ADAMTS17: variants seen among roughly 807,000 people sequenced by gnomAD.
The protein encoded by ADAMTS17 is ADAM metallopeptidase with thrombospondin type 1 motif 17.
Under a neutral mutation model 141.5 loss-of-function variants are expected in ADAMTS17, and 113 were observed. The observed-to-expected ratio is 0.80, with a 90% confidence interval of 0.69 to 0.93. The LOEUF is 0.93. Ranked by LOEUF, ADAMTS17 falls within the 40% of genes least tolerant of loss-of-function variation. The probability of loss-of-function intolerance (pLI) is 0.00; values close to 1 mark genes in which losing one functional copy is unlikely to be tolerated. For missense variants in ADAMTS17, 1,659 were observed against 1,517.9 expected, an observed-to-expected ratio of 1.09 and a Z score of -1.54; for synonymous variants, 768 against 630.6, an observed-to-expected ratio of 1.22 and a Z score of -3.27.
At chr15:100,026,123 C>T (rs748766410) in intron 18 of ADAMTS17, among the ~76,000 whole-genome samples, 3 of 152,190 alleles carry the variant, frequency 2.0e-5, no homozygotes, top group South Asian at 2.1e-4. Flanking sequence ...GTTTGTTTGG[C>T]GTGTCCTTCA....
intron 14 of ADAMTS17, among the ~76,000 whole-genome samples, chr15:100,107,528 A>C (rs1293956599): frequency 1.3e-5 from 2 of 152,032 alleles, no homozygotes; most frequent in Non-Finnish European, 2.9e-5. Flanking sequence ...TGTGGTCTGA[A>C]TGTTTGTGTC....
At chr15:100,254,722 T>C (rs948113878) in intron 6 of ADAMTS17, among the ~76,000 whole-genome samples, 1 of 152,186 alleles carries the variant, frequency 6.6e-6, no homozygotes, top group South Asian at 2.1e-4. Flanking sequence ...GAGCCTATTA[T>C]CCTCAGAAAA....
intron 17 of ADAMTS17, among the ~76,000 whole-genome samples, chr15:100,050,469 G>A (rs2032054911): frequency 6.6e-6 from 1 of 152,166 alleles, no homozygotes; most frequent in Non-Finnish European, 1.5e-5. Flanking sequence ...CAGGGCTGAT[G>A]GTGGTATCCG....
intron 18 of ADAMTS17, among the ~76,000 whole-genome samples, chr15:100,010,412 G>A (rs572449566): frequency 2.0e-5 from 3 of 152,326 alleles, no homozygotes; most frequent in Admixed American, 1.3e-4. Flanking sequence ...TCTCTCCGTG[G>A]TGCAGGACCA....
chr15:100,048,122 A>T (rs1261622141), intron 18 of ADAMTS17, among the ~76,000 whole-genome samples: 2 of 152,206 alleles, frequency 1.3e-5, no homozygotes, highest in Admixed American at 1.3e-4. Context: ...GAAAATGGAA[A>T]TACTAAACAC....
chr15:100,165,615 A>T (rs1185310464), intron 8 of ADAMTS17, among the ~76,000 whole-genome samples: 1 of 152,224 alleles, frequency 6.6e-6, no homozygotes, highest in Non-Finnish European at 1.5e-5. Flanking sequence ...GAAATATTTC[A>T]CAGAAAAGAA....
intron 2 of ADAMTS17, among the ~76,000 whole-genome samples, chr15:100,333,665 C>T (rs749914640): frequency 3.9e-5 from 6 of 152,200 alleles, no homozygotes; most frequent in Non-Finnish European, 8.8e-5. Context: ...CCCACGACTG[C>T]GCGTGGCCCC....
chr15:100,071,226 G>C lies in ADAMTS17; in HGVS notation c.2138-17172C>G, dbSNP rs1016971157. Among the ~76,000 whole-genome samples, 24 of 150,276 alleles carry C rather than the reference G, an allele frequency of 1.6e-4. 1 individual carries two copies. The highest frequency in any genetic ancestry group is 5.9e-4 in the African/African-American group (24 of 40,660). ...GAATCTCTGAATAGACCAATAACAG[G>C]CTCAGAAATTGAGGCAATAATTAAT... On this transcript the variant is annotated intron_variant, in intron 15 of 21. Transcript: ENST00000268070.
chr15:100,238,059 A>G (rs2042712867), intron 7 of ADAMTS17, among the ~76,000 whole-genome samples: 1 of 152,206 alleles, frequency 6.6e-6, no homozygotes, highest in South Asian at 2.1e-4. Context: ...GCTTGCTCCC[A>G]CTGTGGGACA....
chr15:100,126,275 T>A (rs974530998), intron 12 of ADAMTS17: 1 of 152,206 alleles, frequency 6.6e-6, no homozygotes, highest in Admixed American at 6.5e-5. Flanking sequence ...GCTGGATCCA[T>A]GGAGGCAAGA....
At chr15:100,252,120 T>C (rs1296751148) in intron 7 of ADAMTS17, among the ~76,000 whole-genome samples, 1 of 152,164 alleles carries the variant, frequency 6.6e-6, no homozygotes, top group Non-Finnish European at 1.5e-5. Context: ...ACCAGGGGCC[T>C]GAACACAGGA....
chr15:100,322,737 G>A (rs1473360372), intron 3 of ADAMTS17, among the ~76,000 whole-genome samples: 1 of 152,162 alleles, frequency 6.6e-6, no homozygotes, highest in Non-Finnish European at 1.5e-5. Flanking sequence ...CAGAAATACT[G>A]ACACTACTTA....
rs894666396 is a variant in ADAMTS17, at chr15:100,341,934, C to T, written c.-35G>A. On this transcript the variant is annotated 5_prime_UTR_variant, in exon 1 of 22. Transcript: ENST00000268070. ...GACCGGCAGCCCCCCCGGACCGTGG[C>T]GGCGAAGCAGGAGCGCGCTAGGCGG... 1 of 1,547,884 alleles carries T rather than the reference C, an allele frequency of 6.5e-7. No individual in the cohort carries two copies. Among genetic ancestry groups the T allele is most frequent in the Non-Finnish European group, 8.7e-7 (1 of 1,145,980 alleles).
intron 18 of ADAMTS17, among the ~76,000 whole-genome samples, chr15:100,002,818 C>A (rs1360900945): frequency 6.6e-6 from 1 of 152,012 alleles, no homozygotes; most frequent in Admixed American, 6.5e-5. Flanking sequence ...ATGGAACATA[C>A]CTCATGCATC....
At chr15:100,078,619 G>A (rs1596363450) in intron 15 of ADAMTS17, among the ~76,000 whole-genome samples, 1 of 152,240 alleles carries the variant, frequency 6.6e-6, no homozygotes, top group East Asian at 1.9e-4. Context: ...AAACCTCTTG[G>A]AAGAAAACAT....
intron 4 of ADAMTS17, among the ~76,000 whole-genome samples, chr15:100,271,165 G>T (rs112179542): frequency 4.6e-4 from 70 of 152,268 alleles, no homozygotes; most frequent in African/African-American, 1.6e-3. Context: ...ACTTTGGGTT[G>T]CTTCCACCAT....
chr15:100,018,045 G>A (rs1001704617), intron 18 of ADAMTS17, among the ~76,000 whole-genome samples: 5 of 151,998 alleles, frequency 3.3e-5, no homozygotes, highest in African/African-American at 9.7e-5. Flanking sequence ...ACTGAAACTC[G>A]GTGCCCACTA....
At chr15:100,187,939 C>A (rs990277720) in intron 8 of ADAMTS17, among the ~76,000 whole-genome samples, 1 of 152,206 alleles carries the variant, frequency 6.6e-6, no homozygotes, top group Non-Finnish European at 1.5e-5. Flanking sequence ...GCAGCAATAA[C>A]CAGGCGGGAT....
intron 8 of ADAMTS17, among the ~76,000 whole-genome samples, chr15:100,158,129 C>T (rs1412701959): frequency 1.3e-5 from 2 of 152,120 alleles, no homozygotes; most frequent in East Asian, 1.9e-4. Flanking sequence ...CCTTGTGATC[C>T]GCCCGCCTCG....
Sources: allele counts gnomAD v4.1 joint callset (sites outside exome capture counted in the v4.1 genomes callset), GRCh38; gene constraint gnomAD v4.1.1; transcripts MANE v1.5; gene names NCBI Gene and HGNC (gene_info 2026-07-23, HGNC 2026-07-21).